The following NBEA variants were observed in gnomAD, a reference collection of about 807,000 sequenced individuals.
NBEA encodes neurobeachin, also known as lysosomal-trafficking regulator 2.
Under a neutral mutation model 343.4 loss-of-function variants are expected in NBEA, and 44 were observed. The ratio of observed to expected loss-of-function variants is 0.13; its 90% confidence interval spans 0.10 to 0.16. NBEA has a LOEUF of 0.16. Among genes scored for constraint, NBEA ranks in the 10% least tolerant of loss-of-function variants. NBEA has a pLI of 1.00. For synonymous variants in NBEA, 1,175 were observed against 1,238.7 expected (o/e 0.95, Z 1.08); for missense variants, 2,555 against 3,631.3 (o/e 0.70, Z 7.62).
At chr13:35,259,636 AT>A (rs1221435564) in intron 34 of NBEA, among the ~76,000 whole-genome samples, 3 of 152,148 alleles carry the variant, frequency 2.0e-5, no homozygotes, top group Non-Finnish European at 1.5e-5. Context: ...TACCCTAAAA[AT>A]AAAACATTTT....
Position 35,362,970 on chromosome 13 carries a change from A to G in NBEA, c.6179+10647A>G, listed in dbSNP as rs566102723. The stretch of plus-strand genomic sequence containing the variant: ...TAAAAATTATATGCTTTTTCAGCAA[A>G]TTCTGGGTTTAGAATATTCTCATGC... On this transcript the variant is annotated intron_variant, in intron 38 of 58. Coordinates refer to ENST00000379939, the MANE Select transcript of NBEA (RefSeq NM_001385012.1). 1.2e-4 allele frequency among the ~76,000 whole-genome samples: 17 copies of G among 146,646 alleles called. No individual in the cohort carries two copies. In the East Asian group the frequency reaches 3.4e-3, roughly 29 times the overall value.
chr13:35,020,642 C>T (rs754434464), intron 1 of NBEA, among the ~76,000 whole-genome samples: 13 of 152,262 alleles, frequency 8.5e-5, no homozygotes, highest in Admixed American at 1.3e-4. Flanking sequence ...CCTCAGCCTC[C>T]GAGTAGCTTG....
At chr13:35,362,740 A>C (rs2040884182) in intron 38 of NBEA, among the ~76,000 whole-genome samples, 1 of 152,040 alleles carries the variant, frequency 6.6e-6, no homozygotes, top group Non-Finnish European at 1.5e-5. Context: ...TAACAGGTTC[A>C]AATGAGAACA....
chr13:35,546,038 T>C (rs2079043144), intron 41 of NBEA, among the ~76,000 whole-genome samples: 1 of 109,786 alleles, frequency 9.1e-6, no homozygotes, highest in Non-Finnish European at 2.2e-5. Context: ...CAGTTTCCCA[T>C]TGTGATTTAT....
At chr13:35,002,216 T>C (rs1218084215) in intron 1 of NBEA, among the ~76,000 whole-genome samples, 1 of 152,138 alleles carries the variant, frequency 6.6e-6, no homozygotes, top group African/African-American at 2.4e-5. Context: ...AGTTTGTGGG[T>C]ACAAGGAGAC....
At chr13:35,113,878 G>A (rs868226947) in intron 13 of NBEA, among the ~76,000 whole-genome samples, 1 of 152,130 alleles carries the variant, frequency 6.6e-6, no homozygotes, top group Admixed American at 6.6e-5. Context: ...TAGTCCTAGG[G>A]CTGTGGTTTG....
At chr13:35,050,643 A>G (rs1485659825) in intron 6 of NBEA, among the ~76,000 whole-genome samples, 1 of 151,870 alleles carries the variant, frequency 6.6e-6, no homozygotes. Flanking sequence ...GTTTTATGGC[A>G]TTCTTTCAAT....
At chr13:35,228,965 A>C (rs557537608) in intron 33 of NBEA, among the ~76,000 whole-genome samples, 7 of 152,258 alleles carry the variant, frequency 4.6e-5, no homozygotes, top group Admixed American at 4.6e-4. Context: ...ATTCCCCTAC[A>C]TAGGGAAATA....
intron 34 of NBEA, among the ~76,000 whole-genome samples, chr13:35,236,943 C>A (rs2075268044): frequency 6.6e-6 from 1 of 151,780 alleles, no homozygotes; most frequent in Admixed American, 6.6e-5. Context: ...CATTACCTAA[C>A]TTAGACTCTG....
intron 33 of NBEA, among the ~76,000 whole-genome samples, chr13:35,211,882 A>G (rs755652012): frequency 1.3e-5 from 2 of 152,112 alleles, no homozygotes; most frequent in South Asian, 2.1e-4. Context: ...TAAATCTACA[A>G]TGTTATATAT....
chr13:35,013,811 C>G (rs372947482), intron 1 of NBEA, among the ~76,000 whole-genome samples: 5 of 152,072 alleles, frequency 3.3e-5, no homozygotes, highest in African/African-American at 1.2e-4. Context: ...CTACATTTTG[C>G]TTTTAGTTTT....
intron 40 of NBEA, 121 bp from the exon 41 acceptor site, chr13:35,472,279 A>G (rs1251575010): frequency 2.3e-5 from 24 of 1,041,338 alleles, no homozygotes; most frequent in Non-Finnish European, 1.1e-5. Flanking sequence ...AGTTTGCCGC[A>G]TAATACAGGC....
At chr13:35,471,995 C>A (rs2075671673) in intron 40 of NBEA, among the ~76,000 whole-genome samples, 2 of 152,104 alleles carry the variant, frequency 1.3e-5, no homozygotes, top group Admixed American at 6.6e-5. Flanking sequence ...CTGAGTGGAA[C>A]GGCTTCGCGC....
intron 1 of NBEA, among the ~76,000 whole-genome samples, chr13:34,985,219 A>G (rs1200036609): frequency 6.6e-6 from 1 of 150,834 alleles, no homozygotes; most frequent in Non-Finnish European, 1.5e-5. Context: ...TTCCATTAAT[A>G]CCTATTTTAT....
chr13:35,293,382 A>G (rs1360100855), intron 35 of NBEA, among the ~76,000 whole-genome samples: 1 of 152,046 alleles, frequency 6.6e-6, no homozygotes. Context: ...TTTTTCTGAT[A>G]TAGATCTTAT....
At chr13:35,510,515 G>A (rs1271876810) in intron 41 of NBEA, among the ~76,000 whole-genome samples, 2 of 152,146 alleles carry the variant, frequency 1.3e-5, no homozygotes, top group Non-Finnish European at 2.9e-5. Context: ...CAGCCACCTC[G>A]CTGGGATGTG....
At chr13:35,299,301 A>G (rs1211418771) in intron 35 of NBEA, among the ~76,000 whole-genome samples, 1 of 152,070 alleles carries the variant, frequency 6.6e-6, no homozygotes, top group African/African-American at 2.4e-5. Context: ...ATCTCTAAGG[A>G]CGGTTTATTT....
At chr13:35,287,767 GCTTTGAGTTAGATGACC>G (rs1177822289) in intron 34 of NBEA, among the ~76,000 whole-genome samples, 1 of 151,912 alleles carries the variant, frequency 6.6e-6, no homozygotes, top group East Asian at 1.9e-4. Context: ...AACAGAATGG[GCTTTGAGTTAGATGACC>G]TGAATTTGGG....
intron 41 of NBEA, among the ~76,000 whole-genome samples, chr13:35,536,684 ACAGT>A (rs1280421330): frequency 6.6e-6 from 1 of 152,202 alleles, no homozygotes; most frequent in Admixed American, 6.5e-5. Context: ...AGACAGACAG[ACAGT>A]CAGTCCTGGA....
Sources: gnomAD v4.1 joint callset for allele counts (sites outside exome capture counted in the v4.1 genomes callset) on GRCh38, gnomAD v4.1.1 for gene constraint, MANE v1.5 for transcripts, NCBI Gene and HGNC (gene_info 2026-07-23, HGNC 2026-07-21) for gene names.